Variants in RAE1 observed in about 807,000 individuals in gnomAD.
RAE1 encodes ribonucleic acid export 1.
RAE1 carries 13 observed loss-of-function variants against 52.7 expected under a neutral mutation model. The ratio of observed to expected loss-of-function variants is 0.25; its 90% CI spans 0.16 to 0.39. The LOEUF (loss-of-function observed/expected upper bound fraction) is 0.39, where lower values mean the gene tolerates loss of function less well. RAE1 is among the 10% of genes least tolerant of loss of function. RAE1 has a pLI of 1.00. For synonymous variants in RAE1, 164 were observed against 153.1 expected (o/e 1.07, Z -0.52); for missense variants, 262 against 459.8 (o/e 0.57, Z 3.93).
At chr20:57,351,898 C>G (rs1460601012) in intron 1 of RAE1, 1 of 985,436 alleles carries the variant, frequency 1.0e-6, no homozygotes, top group Non-Finnish European at 1.2e-6. Context: ...TAGGTGCCAC[C>G]GTACAGGCAG....
chr20:57,354,539 A>G (rs770909076), intron 2 of RAE1, among the ~76,000 whole-genome samples, 173 bp from the exon 3 acceptor site: 2 of 152,210 alleles, frequency 1.3e-5, no homozygotes, highest in Non-Finnish European at 2.9e-5. Flanking sequence ...TGGTGCTGGT[A>G]CTTTCTCTAG....
intron 7 of RAE1, 76 bp downstream of exon 7, chr20:57,367,155 C>A: frequency 7.9e-7 from 1 of 1,261,086 alleles, no homozygotes; most frequent in Non-Finnish European, 1.1e-6. Context: ...TGGCGTCCTG[C>A]AGTTAGTGAG....
At chr20:57,374,871 G>T (rs2067088625) in intron 11 of RAE1, 70 bp downstream of exon 11, 1 of 1,561,262 alleles carries the variant, frequency 6.4e-7, no homozygotes, top group Admixed American at 1.7e-5. Context: ...AGAAGGCCTA[G>T]GCCTGAGTTG....
At chr20:57,374,962 A>G (rs775199592) in intron 11 of RAE1, 161 bp downstream of exon 11, 6 of 809,464 alleles carry the variant, frequency 7.4e-6, no homozygotes, top group African/African-American at 6.8e-5. Flanking sequence ...GACTTCCTCA[A>G]ATGGTTGTGG....
In RAE1 at chr20:57,359,393, T is replaced by G. The variant is rs188380491; in HGVS notation, c.288+2855T>G. 386 of 167,158 alleles carry G rather than the reference T, an allele frequency of 2.3e-3. 2 individuals are homozygous for G. The highest frequency in any genetic ancestry group is 3.0e-3 in the Non-Finnish European group (233 of 78,114). 10.4% of individuals were successfully genotyped at this position (167,158 alleles called of 1,614,324 possible). ...CATTAACATTACTGCTTCTATTAAG[T>G]AATAGATTAGTCCAATGTGATGTTA... On this transcript the variant is annotated intron_variant, in intron 4 of 11. Transcript: ENST00000395841.
At chr20:57,359,114 T>TAA in intron 4 of RAE1, 1 of 1,084,224 alleles carries the variant, frequency 9.2e-7, no homozygotes, top group Non-Finnish European at 1.3e-6. Context: ...CTGTTGAATA[T>TAA]ATGTCACTGG....
chr20:57,353,551 G>A (rs760640162), intron 1 of RAE1, among the ~76,000 whole-genome samples: 76 of 152,220 alleles, frequency 5.0e-4, no homozygotes, highest in Non-Finnish European at 9.6e-4. Context: ...AGTTTCATGC[G>A]GATGCTGACC....
intron 1 of RAE1, among the ~76,000 whole-genome samples, chr20:57,353,056 G>T (rs535416887): frequency 6.6e-6 from 1 of 152,182 alleles, no homozygotes; most frequent in Non-Finnish European, 1.5e-5. Flanking sequence ...CAGTTTCTCC[G>T]TTCTGTGTTG....
chr20:57,351,845 C>T, intron 1 of RAE1: 1 of 985,426 alleles, frequency 1.0e-6, no homozygotes, highest in Middle Eastern at 5.2e-4. Context: ...GAAACTAAGT[C>T]TGTTTCTGTC....
chr20:57,367,974 C>T (rs1474701604), intron 7 of RAE1, among the ~76,000 whole-genome samples: 1 of 152,120 alleles, frequency 6.6e-6, no homozygotes, highest in African/African-American at 2.4e-5. Flanking sequence ...ACTGCAACCT[C>T]TGCCTTCCGG....
chr20:57,364,300 G>A (rs6099581), intron 4 of RAE1, among the ~76,000 whole-genome samples: 6,072 of 152,238 alleles, frequency 0.04, 181 homozygotes, highest in African/African-American at 0.089. Flanking sequence ...GTCCACTGAG[G>A]TTGGCATGCT....
At chr20:57,365,578 C>A in intron 5 of RAE1, 136 bp downstream of exon 5, 1 of 563,814 alleles carries the variant, frequency 1.8e-6, no homozygotes, top group Non-Finnish European at 2.9e-6. Context: ...GACAATATAA[C>A]AGAAACCTCT....
intron 1 of RAE1, among the ~76,000 whole-genome samples, chr20:57,353,374 A>G (rs1032564320): frequency 2.6e-5 from 4 of 152,228 alleles, no homozygotes; most frequent in Admixed American, 2.0e-4. Flanking sequence ...CTGAGTGGCA[A>G]GAGGCCCTGA....
chr20:57,353,890 G>A, intron 1 of RAE1, 142 bp from the exon 2 acceptor site: 3 of 651,132 alleles, frequency 4.6e-6, no homozygotes, highest in Non-Finnish European at 8.0e-6. Flanking sequence ...AAAGCACTCT[G>A]CTCATTGCGC....
chr20:57,356,104 ATAAAG>A (rs1298443050), intron 3 of RAE1, among the ~76,000 whole-genome samples: 5 of 152,246 alleles, frequency 3.3e-5, no homozygotes, highest in African/African-American at 1.2e-4. Context: ...GGGAGATTAT[ATAAAG>A]TATTCAGAAA....
rs754099681 is a variant in RAE1, at chr20:57,354,112, A to G, written c.74A>G (p.Asn25Ser). The part of the protein sequence containing the change: ...TSMFGSATTD[N>S]HNPMKDIEVT... ...ATGTTTGGCAGTGCAACTACAGACAATCACAATCCCATGAAGGTACCACGA... is the reference window on the plus strand; with the variant it reads ...ATGTTTGGCAGTGCAACTACAGACAGTCACAATCCCATGAAGGTACCACGA... The change falls in exon 2 of 12, where the codon AAT becomes AGT. Residue 25 changes from asparagine to serine, a missense_variant. Physicochemically the swap from Asn to Ser is conservative, Grantham distance 46 (BLOSUM62 1). Coordinates refer to ENST00000395841, the MANE Select transcript of RAE1 (RefSeq NM_003610.4). 2.5e-6 allele frequency: 4 copies of G among 1,614,060 alleles called. No homozygotes were observed. Among genetic ancestry groups the G allele is most frequent in the East Asian group, 2.2e-5 (1 of 44,882 alleles).
Position 57,378,240 on chromosome 20 carries a change from A to G in RAE1, c.*141A>G. On this transcript the variant is annotated 3_prime_UTR_variant, in exon 12 of 12. Coordinates refer to ENST00000395841, the MANE Select transcript of RAE1 (RefSeq NM_003610.4). Reference sequence around the variant, plus strand: ...GGAGAAAACGATGTCATTGTTCAGCAGCTGAGAGCCCAGGCGTCCGCGGCG... The same window carrying G: ...GGAGAAAACGATGTCATTGTTCAGCGGCTGAGAGCCCAGGCGTCCGCGGCG... 1.4e-6 allele frequency: 1 copy of G among 692,682 alleles called. No homozygotes were observed. The highest frequency in any genetic ancestry group is 2.8e-5 in the East Asian group (1 of 36,182). The allele number at this position is 692,682 out of a possible 1,614,324, so 42.9% of individuals were successfully genotyped here.
intron 8 of RAE1, among the ~76,000 whole-genome samples, chr20:57,370,361 G>T (rs2067018313): frequency 6.6e-6 from 1 of 152,170 alleles, no homozygotes. Context: ...CTGCTGTCTT[G>T]CCAGCCTCTT....
intron 4 of RAE1, chr20:57,359,046 A>C: frequency 2.0e-6 from 3 of 1,506,886 alleles, no homozygotes; most frequent in Non-Finnish European, 2.7e-6. Flanking sequence ...CCATTCATTC[A>C]AGTCCCTATT....
Sources: gnomAD v4.1 joint callset for allele counts (sites outside exome capture counted in the v4.1 genomes callset) on GRCh38, gnomAD v4.1.1 for gene constraint, MANE v1.5 for transcripts, NCBI Gene and HGNC (gene_info 2026-07-23, HGNC 2026-07-21) for gene names.